Variants in CDH23 observed in about 807,000 individuals in gnomAD.
The protein encoded by CDH23 is cadherin related 23, also known as cadherin-23.
In CDH23, 189 loss-of-function variants were observed where a neutral mutation model predicts 317.1. The ratio of observed to expected loss-of-function variants is 0.60; its 90% CI spans 0.53 to 0.67. The LOEUF is 0.67. CDH23 is among the 30% of genes least tolerant of loss of function. The probability of loss-of-function intolerance (pLI) is 0.00; values close to 1 mark genes in which losing one functional copy is unlikely to be tolerated. For synonymous variants in CDH23, 1,839 were observed against 1,876.8 expected (o/e 0.98, Z 0.52); for missense variants, 4,401 against 4,592.4 (o/e 0.96, Z 1.20).
At chr10:71,608,208 G>A (rs1022398663) in intron 9 of CDH23, among the ~76,000 whole-genome samples, 1 of 152,220 alleles carries the variant, frequency 6.6e-6, no homozygotes, top group African/African-American at 2.4e-5. Context: ...GGGTGTTGAC[G>A]TAATAGACTC....
At chr10:71,612,049 T>C (rs1389585552) in intron 9 of CDH23, among the ~76,000 whole-genome samples, 2 of 152,214 alleles carry the variant, frequency 1.3e-5, no homozygotes, top group African/African-American at 4.8e-5. Context: ...AGTACCAGTG[T>C]TGCTATGGTG....
At chr10:71,760,915 G>T (rs747801389) in intron 38 of CDH23, 14 of 1,613,786 alleles carry the variant, frequency 8.7e-6, no homozygotes, top group Non-Finnish European at 1.2e-5. Flanking sequence ...GTTGGATGGT[G>T]CATCTTTGCC....
chr10:71,812,972 C>A lies in CDH23; in HGVS notation c.9633+82C>A, dbSNP rs539625206. On this transcript the variant is annotated intron_variant, in intron 68 of 69. Transcript: ENST00000224721. Reference sequence around the variant, plus strand: ...CCAGAGAACACAGGGTGGTAGAGACCTCCAGGCTCAGCTAGACCCACCCTC... The same window carrying A: ...CCAGAGAACACAGGGTGGTAGAGACATCCAGGCTCAGCTAGACCCACCCTC... 272 of 1,571,010 alleles carry A rather than the reference C, an allele frequency of 1.7e-4. 1 individual carries two copies. In the African/African-American group the frequency reaches 2.4e-3, roughly 14 times the overall value.
chr10:71,721,929 A>C (rs1421728128), intron 28 of CDH23, among the ~76,000 whole-genome samples: 3 of 152,088 alleles, frequency 2.0e-5, no homozygotes, highest in Non-Finnish European at 4.4e-5. Context: ...CCCAGCACAA[A>C]TGTTCTTCCC....
At chr10:71,630,447 C>A (rs896504570) in intron 11 of CDH23, among the ~76,000 whole-genome samples, 1 of 152,064 alleles carries the variant, frequency 6.6e-6, no homozygotes, top group Non-Finnish European at 1.5e-5. Flanking sequence ...GGGTGAGGAG[C>A]GGTCAGCCGC....
intron 9 of CDH23, among the ~76,000 whole-genome samples, chr10:71,605,532 T>C (rs1860481822): frequency 6.6e-6 from 1 of 152,276 alleles, no homozygotes; most frequent in Non-Finnish European, 1.5e-5. Flanking sequence ...TGAAAACCTC[T>C]GTCCTAGCAC....
At chr10:71,737,260 G>A (rs1367484828) in intron 34 of CDH23, among the ~76,000 whole-genome samples, 2 of 152,226 alleles carry the variant, frequency 1.3e-5, no homozygotes, top group Non-Finnish European at 2.9e-5. Flanking sequence ...GAACAGGGAA[G>A]AGTAGGTGCC....
intron 6 of CDH23, among the ~76,000 whole-genome samples, chr10:71,519,932 G>GC (rs919647524): frequency 5.1e-4 from 78 of 152,016 alleles, no homozygotes; most frequent in Admixed American, 5.0e-3. Flanking sequence ...GGGACTACAG[G>GC]CACATACCAA....
Position 71,615,531 on chromosome 10 carries a change from A to G in CDH23, c.860A>G (p.Asp287Gly), listed in dbSNP as rs762599754. Reference sequence around the variant, plus strand: ...AATACCAACAGCATCTTTGCCCTGGACTACATCAGCGGAGTGCTGACCTTG... The same window carrying G: ...AATACCAACAGCATCTTTGCCCTGGGCTACATCAGCGGAGTGCTGACCTTG... ...SGNTNSIFAL[D>G]YISGVLTLNG... The change falls in exon 10 of 70, where the codon GAC (aspartate) becomes GGC (glycine). Residue 287 changes from aspartate (D) to glycine (G), a missense_variant. Physicochemically the swap from Asp to Gly is moderately conservative, Grantham distance 94. This residue lies in a region of CDH23 where 3,068 missense variants were observed against 3,203.3 expected (regional missense o/e 0.96). Coordinates refer to ENST00000224721, the MANE Select transcript of CDH23 (RefSeq NM_022124.6). The G allele has an allele frequency of 6.2e-7, 1 of 1,611,342 alleles. No individual in the cohort carries two copies. Among genetic ancestry groups the G allele is most frequent in the Admixed American group, 1.7e-5 (1 of 59,874 alleles).
chr10:71,550,581 A>G (rs1220522627), intron 6 of CDH23, among the ~76,000 whole-genome samples: 6 of 149,990 alleles, frequency 4.0e-5, no homozygotes, highest in African/African-American at 1.2e-4. Flanking sequence ...AAAAAAAGAA[A>G]AAAGAAAAAG....
chr10:71,747,010 CAGA>C (rs1488909610), intron 38 of CDH23, among the ~76,000 whole-genome samples: 2 of 152,184 alleles, frequency 1.3e-5, no homozygotes, highest in Admixed American at 1.3e-4. Flanking sequence ...GGCTTGAGAT[CAGA>C]AGGTCCCAGC....
intron 11 of CDH23, among the ~76,000 whole-genome samples, chr10:71,629,854 A>G (rs960820362): frequency 6.6e-6 from 1 of 152,148 alleles, no homozygotes; most frequent in African/African-American, 2.4e-5. Flanking sequence ...ATGGGCACAA[A>G]GCTTCATTTG....
chr10:71,516,033 T>G (rs1042088553), intron 6 of CDH23, among the ~76,000 whole-genome samples: 1 of 152,222 alleles, frequency 6.6e-6, no homozygotes, highest in Non-Finnish European at 1.5e-5. Flanking sequence ...TCACTCACTT[T>G]CAGGGATCCT....
rs1841313786 is a variant in CDH23, at chr10:71,793,344, C to T, written c.6416C>T (p.Ser2139Phe). Residue 2139 changes from serine (S) to phenylalanine (F), a missense_variant, in exon 48 of 70, where the codon TCC (serine) becomes TTC (phenylalanine). Ser to Phe is a radical substitution (Grantham distance 155). Around this residue, in one of 3 missense-constraint regions of CDH23, gnomAD observed 3,068 missense variants for 3,203.3 expected, o/e 0.96. Transcript: ENST00000224721. Reference sequence around the variant, plus strand: ...ACCATCGACAGAGAGGAGCAGGAGTCCTACAGGCTAACGGTGGTGGCCACC... The same window carrying T: ...ACCATCGACAGAGAGGAGCAGGAGTTCTACAGGCTAACGGTGGTGGCCACC... ...NATIDREEQESYRLTVVATDR... is the reference protein window; with the variant it reads ...NATIDREEQEFYRLTVVATDR... The T allele has an allele frequency of 1.2e-6, 2 of 1,613,886 alleles. No homozygotes were observed. The highest frequency in any genetic ancestry group is 3.3e-5 in the Admixed American group (2 of 60,002).
At chr10:71,488,053 C>T (rs16928949) in intron 3 of CDH23, among the ~76,000 whole-genome samples, 7,473 of 152,336 alleles carry the variant, frequency 0.049, 629 homozygotes, top group African/African-American at 0.17. Context: ...TTTCTGGGAA[C>T]CTCAGCTATT....
rs574910857 is a variant in CDH23, at chr10:71,570,996, C to G, written c.753+78C>G. Reference sequence around the variant, plus strand: ...TCTGAGCTCCTGTTAGGGATGGGCCCTGTTAGTGGGCTGGGCTCCTCCTTG... The same window carrying G: ...TCTGAGCTCCTGTTAGGGATGGGCCGTGTTAGTGGGCTGGGCTCCTCCTTG... On this transcript the variant is annotated intron_variant, in intron 8 of 69. Transcript: ENST00000224721. The G allele has an allele frequency of 1.0e-5, 16 of 1,536,164 alleles. No individual in the cohort carries two copies. In the African/African-American group the frequency reaches 2.1e-4, roughly 20 times the overall value.
chr10:71,504,031 G>GT (rs199792678), intron 3 of CDH23, among the ~76,000 whole-genome samples: 1,693 of 146,358 alleles, frequency 0.012, 8 homozygotes, highest in South Asian at 0.02. Flanking sequence ...TCAATTTAAG[G>GT]TTTTTTTTTT....
intron 3 of CDH23, 110 bp from the exon 4 acceptor site, chr10:71,509,972 G>A: frequency 8.0e-7 from 1 of 1,254,136 alleles, no homozygotes; most frequent in South Asian, 1.3e-5. Context: ...CCTGCTGGAG[G>A]ATTGCTGAAT....
intron 9 of CDH23, among the ~76,000 whole-genome samples, chr10:71,600,824 A>G (rs1860174020): frequency 6.6e-6 from 1 of 152,110 alleles, no homozygotes; most frequent in South Asian, 2.1e-4. Context: ...CAGACCACAG[A>G]GCTTTTAAAA....
Sources: allele counts gnomAD v4.1 joint callset (sites outside exome capture counted in the v4.1 genomes callset), GRCh38; gene constraint gnomAD v4.1.1; regional missense constraint gnomAD v4.1.1; transcripts MANE v1.5; gene names NCBI Gene and HGNC (gene_info 2026-07-23, HGNC 2026-07-21).